The following TNFSF4 variants were observed in gnomAD, a reference collection of about 807,000 sequenced individuals.
The protein encoded by TNFSF4 is tumor necrosis factor ligand superfamily member 4.
TNFSF4 carries 4 observed loss-of-function variants against 7.3 expected under a neutral mutation model. That is an observed-to-expected ratio of 0.55 (90% CI 0.27 to 1.25). The LOEUF (loss-of-function observed/expected upper bound fraction) is 1.25, where lower values mean the gene tolerates loss of function less well. TNFSF4 is among the 50% of genes most tolerant of loss of function. The probability of loss-of-function intolerance (pLI) is 0.12; values close to 1 mark genes in which losing one functional copy is unlikely to be tolerated. For missense variants in TNFSF4, 181 were observed against 208.8 expected (o/e 0.87, Z 0.82); for synonymous variants, 76 against 83.7 (o/e 0.91, Z 0.50).
chr1:173,360,947 T>C, the TNFSF4 span, among the ~76,000 whole-genome samples: 1 of 152,122 alleles, frequency 6.6e-6, no homozygotes, highest in East Asian at 1.9e-4. Context: ...AACAGCCCTA[T>C]GATGGAAAAT....
In TNFSF4 at chr1:173,186,685, T is replaced by A; in HGVS notation, c.383A>T (p.Gln128Leu). The A allele has an allele frequency of 3.7e-6, 6 of 1,614,190 alleles. No individual in the cohort carries two copies. Among genetic ancestry groups the A allele is most frequent in the Non-Finnish European group, 5.1e-6 (6 of 1,180,022 alleles). Residue 128 changes from glutamine to leucine, a missense_variant, in exon 3 of 3, where the codon CAA becomes CTA. Coordinates refer to ENST00000281834, the MANE Select transcript of TNFSF4 (RefSeq NM_003326.5). ...HYQKDEEPLF[Q>L]LKKVRSVNSL... ...GTTGACAGACCTGACCTTCTTCAGT[T>A]GGAAGAGGGGCTCCTCATCCTTCTG...
the TNFSF4 span, among the ~76,000 whole-genome samples, chr1:173,386,043 C>A: frequency 2.6e-5 from 4 of 152,088 alleles, no homozygotes; most frequent in Non-Finnish European, 4.4e-5. Context: ...GGAAAAAGGA[C>A]CCCAAGGGCA....
chr1:173,173,951 G>A, the TNFSF4 span, among the ~76,000 whole-genome samples: 1 of 152,232 alleles, frequency 6.6e-6, no homozygotes, highest in Non-Finnish European at 1.5e-5. Flanking sequence ...AATTCCTGCA[G>A]CCAGCTTGAA....
chr1:173,364,534 T>C, the TNFSF4 span, among the ~76,000 whole-genome samples: 1 of 151,996 alleles, frequency 6.6e-6, no homozygotes, highest in African/African-American at 2.4e-5. Context: ...TTTTGCTATG[T>C]TACTTCTGTA....
At chr1:173,375,485 A>C in the TNFSF4 span, among the ~76,000 whole-genome samples, 1 of 152,220 alleles carries the variant, frequency 6.6e-6, no homozygotes, top group Non-Finnish European at 1.5e-5. Context: ...TTTCTGTCTT[A>C]CAAGAGGATT....
the TNFSF4 span, among the ~76,000 whole-genome samples, chr1:173,390,737 C>CTTTTT: frequency 2.2e-4 from 29 of 131,514 alleles, no homozygotes; most frequent in African/African-American, 4.3e-4. Context: ...CATTCTGCTT[C>CTTTTT]TTTTTTTTTT....
chr1:173,194,182 C>A (rs1374251978), intron 1 of TNFSF4, among the ~76,000 whole-genome samples: 1 of 152,220 alleles, frequency 6.6e-6, no homozygotes, highest in Non-Finnish European at 1.5e-5. Context: ...GAAATTTTTT[C>A]TCTGCTGTAA....
chr1:173,371,411 GT>G, the TNFSF4 span, among the ~76,000 whole-genome samples: 1 of 152,102 alleles, frequency 6.6e-6, no homozygotes, highest in Non-Finnish European at 1.5e-5. Flanking sequence ...CCCATTTGTT[GT>G]CCCCTGCTTG....
the TNFSF4 span, among the ~76,000 whole-genome samples, chr1:173,284,991 C>A: frequency 6.6e-6 from 1 of 152,282 alleles, no homozygotes; most frequent in Admixed American, 6.5e-5. Context: ...CTTTGTCAGG[C>A]TATATCTGCC....
chr1:173,232,074 A>C, the TNFSF4 span, among the ~76,000 whole-genome samples: 1 of 152,110 alleles, frequency 6.6e-6, no homozygotes, highest in Non-Finnish European at 1.5e-5. Flanking sequence ...GGCCATTTTC[A>C]TGATATTAAT....
At chr1:173,440,125 T>G in the TNFSF4 span, among the ~76,000 whole-genome samples, 2 of 152,196 alleles carry the variant, frequency 1.3e-5, no homozygotes, top group African/African-American at 4.8e-5. Flanking sequence ...TGGTTGGAGC[T>G]AACTAGGCTT....
chr1:173,375,269 G>A, the TNFSF4 span, among the ~76,000 whole-genome samples: 88 of 152,298 alleles, frequency 5.8e-4, no homozygotes, highest in Admixed American at 1.6e-3. Flanking sequence ...CCCCTGGACT[G>A]ACCCACTGAC....
chr1:173,247,594 T>C, the TNFSF4 span, among the ~76,000 whole-genome samples: 1 of 152,318 alleles, frequency 6.6e-6, no homozygotes, highest in East Asian at 1.9e-4. Context: ...CTAAACAAAG[T>C]TTCGGTTATC....
the TNFSF4 span, among the ~76,000 whole-genome samples, chr1:173,338,396 C>A: frequency 6.6e-6 from 1 of 152,138 alleles, no homozygotes; most frequent in Non-Finnish European, 1.5e-5. Context: ...ACTCACTTCA[C>A]AGAAAATGAA....
chr1:173,355,917 G>C, the TNFSF4 span, among the ~76,000 whole-genome samples: 1 of 152,200 alleles, frequency 6.6e-6, no homozygotes, highest in African/African-American at 2.4e-5. Context: ...AATACAGGGA[G>C]TGGTGATTAT....
chr1:173,271,626 T>C, the TNFSF4 span, among the ~76,000 whole-genome samples: 1 of 152,178 alleles, frequency 6.6e-6, no homozygotes, highest in East Asian at 1.9e-4. Context: ...ATCAGAGAAA[T>C]GCAAATCAAA....
the TNFSF4 span, among the ~76,000 whole-genome samples, chr1:173,428,888 T>A: frequency 6.6e-6 from 1 of 152,166 alleles, no homozygotes; most frequent in East Asian, 1.9e-4. Context: ...GTGCCTGTAA[T>A]CCCAGCTATT....
At chr1:173,368,816 C>A in the TNFSF4 span, among the ~76,000 whole-genome samples, 94 of 152,280 alleles carry the variant, frequency 6.2e-4, no homozygotes, top group Non-Finnish European at 1.1e-3. Context: ...GGTCCTGATG[C>A]CTGTCAGACA....
chr1:173,324,399 C>A, the TNFSF4 span, among the ~76,000 whole-genome samples: 1 of 152,190 alleles, frequency 6.6e-6, no homozygotes, highest in African/African-American at 2.4e-5. Context: ...GTACCAGCCA[C>A]TGCAAAAACA....
Sources: allele counts gnomAD v4.1 joint callset (sites outside exome capture counted in the v4.1 genomes callset), GRCh38; gene constraint gnomAD v4.1.1; transcripts MANE v1.5; gene names NCBI Gene and HGNC (gene_info 2026-07-23, HGNC 2026-07-21).